Variants in CD226 observed in about 807,000 individuals in gnomAD.
CD226 encodes CD226 molecule.
CD226 carries 24 observed loss-of-function variants against 34.9 expected under a neutral mutation model. That is an observed-to-expected ratio of 0.69 (90% confidence interval 0.50 to 0.97). The LOEUF is 0.97. Ranked by LOEUF, CD226 falls within the 50% of genes least tolerant of loss-of-function variation. CD226 has a pLI of 0.00. For synonymous variants in CD226, 148 were observed against 147.4 expected (o/e 1.00, Z -0.03); for missense variants, 397 against 412.7 (o/e 0.96, Z 0.33).
At chr18:69,897,735 T>C (rs1483664648) in intron 2 of CD226, among the ~76,000 whole-genome samples, 1 of 152,136 alleles carries the variant, frequency 6.6e-6, no homozygotes, top group Non-Finnish European at 1.5e-5. Context: ...AAAAGAGATG[T>C]CACATTTCGA....
At chr18:69,942,955 G>C (rs1599029576) in intron 2 of CD226, among the ~76,000 whole-genome samples, 1 of 152,146 alleles carries the variant, frequency 6.6e-6, no homozygotes, top group African/African-American at 2.4e-5. Context: ...TCAAGGTCCA[G>C]CACGACTTTT....
chr18:69,867,244 C>T (rs1983202709), intron 5 of CD226, 113 bp downstream of exon 5: 2 of 679,708 alleles, frequency 2.9e-6, no homozygotes, highest in Admixed American at 4.5e-5. Context: ...CAGGCAACTG[C>T]ATGGTCAGGT....
chr18:69,859,837 C>G lies in CD226; in HGVS notation c.*4477G>C, dbSNP rs1156688141. Reference sequence around the variant, plus strand: ...CCTGTAATCCCAGCAATTTAGGAGGCTGAGGCAGGTGGATCACCTGAGGTC... The same window carrying G: ...CCTGTAATCCCAGCAATTTAGGAGGGTGAGGCAGGTGGATCACCTGAGGTC... On this transcript the variant is annotated 3_prime_UTR_variant, in exon 6 of 6. Transcript: ENST00000582621. 6.6e-6 allele frequency: 1 copy of G among 152,172 alleles called. No homozygotes were observed. The highest frequency in any genetic ancestry group is 2.4e-5 in the African/African-American group (1 of 41,418). The allele number at this position is 152,172 out of a possible 1,614,324, so 9.4% of individuals were successfully genotyped here. A position where few individuals can be genotyped will look rare whatever the true frequency, so the allele number is the denominator to read the frequency against.
chr18:69,868,715 C>T (rs1281974955), intron 4 of CD226, among the ~76,000 whole-genome samples: 1 of 152,124 alleles, frequency 6.6e-6, no homozygotes, highest in Non-Finnish European at 1.5e-5. Context: ...TTGTGGTTCA[C>T]AAGGCTTGCT....
intron 2 of CD226, among the ~76,000 whole-genome samples, chr18:69,916,615 T>G (rs752097313): frequency 1.4e-4 from 22 of 152,208 alleles, no homozygotes; most frequent in Admixed American, 8.5e-4. Flanking sequence ...ACACAATATT[T>G]TTTAATGAGT....
At chr18:69,880,285 G>A (rs1984144285) in intron 3 of CD226, among the ~76,000 whole-genome samples, 1 of 146,218 alleles carries the variant, frequency 6.8e-6, no homozygotes, top group Admixed American at 6.9e-5. Flanking sequence ...GGAAGGGAAG[G>A]GAAGGGAAAG....
chr18:69,932,451 C>CT (rs2055600812), intron 2 of CD226, among the ~76,000 whole-genome samples: 1 of 152,184 alleles, frequency 6.6e-6, no homozygotes, highest in Admixed American at 6.5e-5. Flanking sequence ...AATGCCCCCT[C>CT]TTCTAAGCAA....
In CD226 at chr18:69,861,542, G is replaced by GTATATATATATTTA. The variant is rs1426781436; in HGVS notation, c.*2771_*2772insTAAATATATATATA. Reference sequence around the variant, plus strand: ...TTATCCATCGATATAAATTATATGTGTATATATATATGTATATATATATAT... The same window carrying GTATATATATATTTA: ...TTATCCATCGATATAAATTATATGTGTATATATATATTTATATATATATATGTATATATATATAT... On this transcript the variant is annotated 3_prime_UTR_variant, in exon 6 of 6. Transcript: ENST00000582621. The GTATATATATATTTA allele has an allele frequency of 4.8e-5, 2 of 41,526 alleles. No homozygotes were observed. Among genetic ancestry groups the GTATATATATATTTA allele is most frequent in the Admixed American group, 3.9e-4 (1 of 2,572 alleles). 2.6% of individuals were successfully genotyped at this position (41,526 alleles called of 1,614,324 possible).
chr18:69,926,355 A>G (rs2055521779), intron 2 of CD226, among the ~76,000 whole-genome samples: 1 of 151,896 alleles, frequency 6.6e-6, no homozygotes, highest in East Asian at 1.9e-4. Flanking sequence ...GCTAACTCCT[A>G]CTTCTTTAGT....
chr18:69,932,045 A>G (rs774898498), intron 2 of CD226, among the ~76,000 whole-genome samples: 32 of 152,104 alleles, frequency 2.1e-4, no homozygotes, highest in Non-Finnish European at 3.2e-4. Flanking sequence ...AACCAGTCAT[A>G]TTGGATTAGA....
chr18:69,873,432 C>T (rs1226153497), intron 3 of CD226, among the ~76,000 whole-genome samples, 186 bp from the exon 4 acceptor site: 2 of 151,840 alleles, frequency 1.3e-5, no homozygotes, highest in Non-Finnish European at 2.9e-5. Flanking sequence ...ATATTTCTAA[C>T]TCCTAATAGA....
intron 2 of CD226, among the ~76,000 whole-genome samples, chr18:69,898,154 A>G (rs1371335101): frequency 6.6e-6 from 1 of 152,240 alleles, no homozygotes; most frequent in African/African-American, 2.4e-5. Flanking sequence ...GCGTGACAAC[A>G]TAAAATCAGA....
At chr18:69,903,024 A>T (rs1233306934) in intron 2 of CD226, among the ~76,000 whole-genome samples, 1 of 152,208 alleles carries the variant, frequency 6.6e-6, no homozygotes, top group South Asian at 2.1e-4. Context: ...GTTCTCAAAA[A>T]TAAGCAAGCA....
In CD226 at chr18:69,895,958, G is replaced by A. The variant is rs1421601585; in HGVS notation, c.470C>T (p.Thr157Met). The change falls in exon 3 of 6, where the codon ACG (threonine) becomes ATG (methionine). Residue 157 changes from threonine to methionine, a missense_variant. Physicochemically the swap from Thr to Met is moderately conservative, Grantham distance 81. Transcript: ENST00000582621. ...NVTLTCQPQM[T>M]WPVQAVRWEK... ...CCACCTCACTGCCTGCACAGGCCAC[G>A]TCATCTGAGGCTGACAAGTGAGTGT... 1.7e-5 allele frequency: 27 copies of A among 1,613,900 alleles called. No individual in the cohort carries two copies. The highest frequency in any genetic ancestry group is 2.1e-5 in the Non-Finnish European group (25 of 1,180,014).
chr18:69,856,426 T>C lies in CD226; in HGVS notation c.*7888A>G, dbSNP rs926460260. On this transcript the variant is annotated 3_prime_UTR_variant, in exon 6 of 6. Coordinates refer to ENST00000582621, the MANE Select transcript of CD226 (RefSeq NM_001303618.2). ...AGAAGAGGGAAAATCAGAAAGGATATAGATAATCTGAACGGTGGTATCAAT... is the reference window on the plus strand; with the variant it reads ...AGAAGAGGGAAAATCAGAAAGGATACAGATAATCTGAACGGTGGTATCAAT... 6.6e-6 allele frequency: 1 copy of C among 152,182 alleles called. No individual in the cohort carries two copies. The highest frequency in any genetic ancestry group is 2.1e-4 in the South Asian group (1 of 4,832). 9.4% of individuals were successfully genotyped at this position (152,182 alleles called of 1,614,324 possible). A position where few individuals can be genotyped will look rare whatever the true frequency, so the allele number is the denominator to read the frequency against.
chr18:69,897,932 A>G (rs1985394500), intron 2 of CD226, among the ~76,000 whole-genome samples: 1 of 152,196 alleles, frequency 6.6e-6, no homozygotes, highest in Non-Finnish European at 1.5e-5. Context: ...ACAACCGTTT[A>G]CCAAAGGTAG....
intron 3 of CD226, among the ~76,000 whole-genome samples, chr18:69,890,404 C>A (rs1213559269): frequency 6.6e-6 from 1 of 152,010 alleles, no homozygotes; most frequent in Non-Finnish European, 1.5e-5. Context: ...CCTTGAAACC[C>A]CATCTCTACC....
rs955040196 is a variant in CD226, at chr18:69,888,808, C to T, written c.727+6893G>A. The stretch of plus-strand genomic sequence containing the variant: ...GTAGCAATGTACAGTCAACAATGTT[C>T]TTCAATATAATAGTGTCATCAGATA... On this transcript the variant is annotated intron_variant, in intron 3 of 5. Coordinates refer to ENST00000582621, the MANE Select transcript of CD226 (RefSeq NM_001303618.2). Among the ~76,000 whole-genome samples, 11 of 152,224 alleles carry T rather than the reference C, an allele frequency of 7.2e-5. No homozygotes were observed. In the South Asian group the frequency reaches 1.9e-3, roughly 26 times the overall value.
At chr18:69,957,290 A>C (rs1266823009), upstream of CD226, 2 of 151,484 alleles carry the variant, frequency 1.3e-5, no homozygotes, top group Non-Finnish European at 2.9e-5. Context: ...TTTTTAAGTC[A>C]AGAGGCTTCC....
Sources: allele counts gnomAD v4.1 joint callset (sites outside exome capture counted in the v4.1 genomes callset), GRCh38; gene constraint gnomAD v4.1.1; transcripts MANE v1.5; gene names NCBI Gene and HGNC (gene_info 2026-07-23, HGNC 2026-07-21).